The following CHST1 variants were observed in gnomAD, a reference collection of about 807,000 sequenced individuals.
CHST1 encodes the protein Keratan sulfotransferase.
A neutral mutation model predicts 22.5 loss-of-function variants in CHST1; 10 were observed. That is an observed-to-expected ratio of 0.44 (90% CI 0.27 to 0.75). The LOEUF is 0.75. Among genes scored for constraint, CHST1 ranks in the 30% least tolerant of loss-of-function variants. The pLI, the probability that CHST1 is intolerant of heterozygous loss-of-function variation, is 0.15. For missense variants in CHST1, 439 were observed against 576.1 expected (o/e 0.76, Z 2.44); for synonymous variants, 267 against 264.5 (o/e 1.01, Z -0.09).
chr11:45,650,562 C>T lies in CHST1; in HGVS notation c.362G>A (p.Arg121His). The T allele has an allele frequency of 6.2e-7, 1 of 1,613,854 alleles. No homozygotes were observed. Among genetic ancestry groups the T allele is most frequent in the Non-Finnish European group, 8.5e-7 (1 of 1,179,984 alleles). Residue 121 changes from arginine (R) to histidine (H), a missense_variant, in exon 4 of 4, where the codon CGC (arginine) becomes CAC (histidine). Physicochemically the swap from Arg to His is conservative, Grantham distance 29. Transcript: ENST00000308064. ...ADRRVMLGAS[R>H]DLLRSLYDCD... ...GTCGTAGAGGCTCCGCAGGAGGTCG[C>T]GGCTGGCGCCTAGCATGACCCGCCG...
intron 1 of CHST1, among the ~76,000 whole-genome samples, chr11:45,658,151 G>A (rs551531847): frequency 2.6e-5 from 4 of 152,162 alleles, no homozygotes; most frequent in Non-Finnish European, 5.9e-5. Flanking sequence ...GGGCCACAGA[G>A]GCCTGGATTT....
intron 1 of CHST1, among the ~76,000 whole-genome samples, chr11:45,664,365 G>T (rs1022454025): frequency 1.3e-5 from 2 of 152,200 alleles, no homozygotes; most frequent in Non-Finnish European, 2.9e-5. Flanking sequence ...CCAAGAGGAA[G>T]CCGGCCCCAG....
At chr11:45,663,272 T>G (rs2120351635) in intron 1 of CHST1, among the ~76,000 whole-genome samples, 1 of 152,186 alleles carries the variant, frequency 6.6e-6, no homozygotes, top group South Asian at 2.1e-4. Flanking sequence ...ACAGAGGTAC[T>G]CCTCCTCCGA....
intron 1 of CHST1, among the ~76,000 whole-genome samples, chr11:45,657,051 G>A (rs370633485): frequency 6.6e-5 from 10 of 152,234 alleles, no homozygotes; most frequent in East Asian, 3.9e-4. Context: ...TCGTCTTTCC[G>A]GACAAACTCA....
intron 1 of CHST1, among the ~76,000 whole-genome samples, chr11:45,661,666 C>G (rs1194930442): frequency 5.9e-5 from 9 of 152,192 alleles, no homozygotes; most frequent in Non-Finnish European, 1.3e-4. Flanking sequence ...AGAGAAGGGT[C>G]GGCAGCTAAA....
intron 1 of CHST1, among the ~76,000 whole-genome samples, chr11:45,658,933 C>T (rs1387179043): frequency 6.6e-6 from 1 of 152,202 alleles, no homozygotes; most frequent in Non-Finnish European, 1.5e-5. Flanking sequence ...CAGCTGCTGC[C>T]GGCCAGGCTG....
intron 1 of CHST1, among the ~76,000 whole-genome samples, chr11:45,659,500 T>C (rs1852103396): frequency 6.6e-6 from 1 of 152,158 alleles, no homozygotes; most frequent in Non-Finnish European, 1.5e-5. Context: ...GGGCATCCAC[T>C]GGTGGGGCTT....
chr11:45,651,044 A>G (rs4391786), intron 3 of CHST1, 79 bp from the exon 4 acceptor site: 1,122,313 of 1,130,546 alleles, frequency 0.99, 557,493 homozygotes, highest in East Asian at 1. Flanking sequence ...CCGGTCTCCA[A>G]GGGGCCCAGG....
rs149188015 is a variant in CHST1, at chr11:45,650,680, G to A, written c.244C>T (p.Gln82Ter). The change falls in exon 4 of 4, where the codon CAG (glutamine) becomes TAG (stop). Residue 82 changes from glutamine to a stop codon, truncating the protein, a stop_gained. Transcript: ENST00000308064. LOFTEE classifies it high-confidence loss of function. ...GSSFVGQLFNQHLDVFYLFEP... is the reference protein window; with the variant it reads ...GSSFVGQLFN ...AACAGGTAGAAGACGTCCAGGTGCT[G>A]GTTGAAGAGCTGGCCCACGAAGGAG... is the stretch of plus-strand genomic sequence containing the variant. 7 of 1,614,140 alleles carry A rather than the reference G, an allele frequency of 4.3e-6. No individual in the cohort carries two copies. Among genetic ancestry groups the A allele is most frequent in the Non-Finnish European group, 4.2e-6 (5 of 1,180,010 alleles).
intron 2 of CHST1, 159 bp downstream of exon 2, chr11:45,652,362 C>T (rs1204030897): frequency 1.3e-5 from 2 of 152,304 alleles, no homozygotes; most frequent in African/African-American, 4.8e-5. Flanking sequence ...TCTAATAAAC[C>T]GCAGTCCCTC....
chr11:45,653,223 G>GT, intron 1 of CHST1, among the ~76,000 whole-genome samples: 1 of 152,084 alleles, frequency 6.6e-6, no homozygotes, highest in Middle Eastern at 3.4e-3. Flanking sequence ...CTAGCACTGT[G>GT]TTATTCCCTA....
intron 1 of CHST1, among the ~76,000 whole-genome samples, chr11:45,663,102 C>T (rs1297145575): frequency 6.6e-6 from 1 of 152,176 alleles, no homozygotes; most frequent in Non-Finnish European, 1.5e-5. Flanking sequence ...CAAATGCTCC[C>T]TCCCCACACC....
intron 1 of CHST1, among the ~76,000 whole-genome samples, chr11:45,664,766 T>C (rs1554943226): frequency 6.6e-6 from 1 of 152,112 alleles, no homozygotes; most frequent in Non-Finnish European, 1.5e-5. Context: ...CGGGTGCAGC[T>C]GGGTTTGGAA....
At position 45,665,399 on chromosome 11, in the gene CHST1, C is replaced by T. The variant is rs1852187647; in HGVS notation, c.-448G>A. Reference sequence around the variant, plus strand: ...CTCTTCATGGCCCGGGGGCGCGAGCCCGGGGCGGCTCGAGCAGCTGAGTGC... The same window carrying T: ...CTCTTCATGGCCCGGGGGCGCGAGCTCGGGGCGGCTCGAGCAGCTGAGTGC... On this transcript the variant is annotated 5_prime_UTR_variant, in exon 1 of 4. Coordinates refer to ENST00000308064, the MANE Select transcript of CHST1 (RefSeq NM_003654.6). The surrounding 1 kb of genome is among the most constrained non-coding windows in gnomAD (Gnocchi z 4.0). The T allele has an allele frequency of 6.6e-6, 1 of 151,764 alleles. No homozygotes were observed. Among genetic ancestry groups the T allele is most frequent in the Non-Finnish European group, 1.5e-5 (1 of 67,904 alleles). The allele number at this position is 151,764 out of a possible 1,614,324, so 9.4% of individuals were successfully genotyped here.
intron 1 of CHST1, among the ~76,000 whole-genome samples, chr11:45,657,291 T>C (rs1185814178): frequency 7.4e-6 from 1 of 135,834 alleles, no homozygotes; most frequent in Non-Finnish European, 1.6e-5. Flanking sequence ...CTAAGGAAAA[T>C]GAGGTGATGA....
In CHST1 at chr11:45,650,571, C is replaced by T; in HGVS notation, c.353G>A (p.Gly118Asp). The change falls in exon 4 of 4, where the codon GGC (glycine) becomes GAC (aspartate). Residue 118 changes from glycine (G) to aspartate (D), a missense_variant. Coordinates refer to ENST00000308064, the MANE Select transcript of CHST1 (RefSeq NM_003654.6). Reference protein sequence around the residue: ...KSPADRRVMLGASRDLLRSLY... With the variant: ...KSPADRRVMLDASRDLLRSLY... ...GCTCCGCAGGAGGTCGCGGCTGGCG[C>T]CTAGCATGACCCGCCGGTCGGCCGG... 1 of 1,613,798 alleles carries T rather than the reference C, an allele frequency of 6.2e-7. No individual in the cohort carries two copies. Among genetic ancestry groups the T allele is most frequent in the Non-Finnish European group, 8.5e-7 (1 of 1,179,950 alleles).
intron 1 of CHST1, among the ~76,000 whole-genome samples, chr11:45,661,044 T>C (rs1852126076): frequency 2.6e-5 from 4 of 152,214 alleles, no homozygotes; most frequent in Admixed American, 6.5e-5. Flanking sequence ...CCTGACAAAC[T>C]TGATAGCTTT....
intron 1 of CHST1, among the ~76,000 whole-genome samples, chr11:45,654,462 C>T (rs1022671425): frequency 6.6e-6 from 1 of 152,258 alleles, no homozygotes; most frequent in Non-Finnish European, 1.5e-5. Context: ...CTGGAAATGT[C>T]CCCGCTCTCC....
chr11:45,651,003 G>A (rs1038136832), intron 3 of CHST1, 38 bp from the exon 4 acceptor site: 3 of 1,432,268 alleles, frequency 2.1e-6, no homozygotes, highest in Non-Finnish European at 2.8e-6. Flanking sequence ...GTGCCTCCAC[G>A]GCGGGGGCAC....
Sources: gnomAD v4.1 joint callset for allele counts (sites outside exome capture counted in the v4.1 genomes callset) on GRCh38, gnomAD v4.1.1 for gene constraint, Gnocchi (gnomAD v3.1) non-coding constraint, MANE v1.5 for transcripts, NCBI Gene and HGNC (gene_info 2026-07-23, HGNC 2026-07-21) for gene names.